The following CMYA5 variants were observed in gnomAD, a reference collection of about 807,000 sequenced individuals.
CMYA5 encodes cardiomyopathy associated 5.
CMYA5 carries 246 observed loss-of-function variants against 318.9 expected under a neutral mutation model. That is an observed-to-expected ratio of 0.77 (90% CI 0.70 to 0.86). CMYA5 has a LOEUF of 0.86. CMYA5 is among the 40% of genes least tolerant of loss of function. The pLI is 0.00. For synonymous variants in CMYA5, 1,641 were observed against 1,729.5 expected (o/e 0.95, Z 1.27); for missense variants, 4,589 against 4,678.2 (o/e 0.98, Z 0.56).
rs112677356 is a variant in CMYA5 at position 79,732,202 on chromosome 5, T to C, written c.3437T>C (p.Val1146Ala). The change falls in exon 2 of 13, where the codon GTA becomes GCA. Residue 1146 changes from valine (V) to alanine (A), a missense_variant. Transcript: ENST00000446378. Reference protein sequence around the residue: ...EKGEREASSSVAAIPAALPAQ... With the variant: ...EKGEREASSSAAAIPAALPAQ... ...GGAGAAAGGGAGGCAAGTTCATCAG[T>C]AGCTGCAATACCTGCTGCTTTACCT... 378 of 1,613,922 alleles carry C rather than the reference T, an allele frequency of 2.3e-4. 4 individuals carry two copies. The African/African-American group carries it at 4.1e-3, about 18-fold the overall frequency.
chr5:79,774,784 G>A (rs547033115), intron 9 of CMYA5, among the ~76,000 whole-genome samples: 1 of 152,336 alleles, frequency 6.6e-6, no homozygotes, highest in Non-Finnish European at 1.5e-5. Flanking sequence ...GCCTGTCATA[G>A]GTGGGTGTTT....
In CMYA5 at chr5:79,738,694, A is replaced by C. The variant is rs954981553; in HGVS notation, c.9929A>C (p.His3310Pro). The C allele has an allele frequency of 6.2e-7, 1 of 1,613,962 alleles. No individual in the cohort carries two copies. Among genetic ancestry groups the C allele is most frequent in the Non-Finnish European group, 8.5e-7 (1 of 1,179,874 alleles). Residue 3310 changes from histidine (H) to proline (P), a missense_variant, in exon 2 of 13, where the codon CAT (histidine) becomes CCT (proline). His to Pro is a moderately conservative substitution (Grantham distance 77). Around this residue, in one of 3 missense-constraint regions of CMYA5, gnomAD observed 2,431 missense variants for 2,495.1 expected, o/e 0.97. Transcript: ENST00000446378. ...TATGGGGAAGGAGAATCAGTAGACC[A>C]TGTGGAGACCGTTGGTAACGTAGCG... The part of the protein sequence containing the change: ...GVYGEGESVD[H>P]VETVGNVAMQ...
intron 6 of CMYA5, among the ~76,000 whole-genome samples, chr5:79,753,576 C>T (rs184215237): frequency 6.6e-6 from 1 of 151,452 alleles, no homozygotes; most frequent in Admixed American, 6.6e-5. Flanking sequence ...TAGTAAGACC[C>T]CCATGTCTAA....
At chr5:79,789,740 T>C (rs1829144022) in intron 10 of CMYA5, among the ~76,000 whole-genome samples, 1 of 152,176 alleles carries the variant, frequency 6.6e-6, no homozygotes, top group African/African-American at 2.4e-5. Context: ...AGATGATTTT[T>C]ATCAGACTCA....
intron 5 of CMYA5, among the ~76,000 whole-genome samples, chr5:79,751,210 C>G (rs1164623816): frequency 6.6e-6 from 1 of 152,196 alleles, no homozygotes; most frequent in Non-Finnish European, 1.5e-5. Flanking sequence ...AAATTGAACT[C>G]TCAGTGGGTA....
At chr5:79,712,324 C>T (rs1827410767) in intron 1 of CMYA5, among the ~76,000 whole-genome samples, 1 of 152,182 alleles carries the variant, frequency 6.6e-6, no homozygotes, top group East Asian at 1.9e-4. Context: ...AGCGATTCTT[C>T]TGCCTCAGCC....
chr5:79,776,282 A>G (rs1010659858), intron 9 of CMYA5, among the ~76,000 whole-genome samples: 5 of 152,216 alleles, frequency 3.3e-5, no homozygotes, highest in African/African-American at 1.2e-4. Context: ...TCATTTATCA[A>G]AAGAAAAATA....
chr5:79,746,973 G>A (rs577323306), intron 4 of CMYA5, 118 bp from the exon 5 acceptor site: 41 of 644,652 alleles, frequency 6.4e-5, no homozygotes, highest in Admixed American at 1.4e-4. Context: ...ATTTTCAAAC[G>A]TGGGTAATCT....
At chr5:79,796,757 C>T (rs761248316) in intron 12 of CMYA5, among the ~76,000 whole-genome samples, 10 of 152,132 alleles carry the variant, frequency 6.6e-5, no homozygotes, top group Non-Finnish European at 1.3e-4. Flanking sequence ...ATAAGAAGAG[C>T]ATGTTTTAAT....
At chr5:79,760,640 T>C (rs1391803535) in intron 7 of CMYA5, among the ~76,000 whole-genome samples, 2 of 152,196 alleles carry the variant, frequency 1.3e-5, no homozygotes, top group African/African-American at 2.4e-5. Context: ...AACTCATTTA[T>C]GAGAACAGCA....
At chr5:79,710,198 C>T (rs951368927) in intron 1 of CMYA5, among the ~76,000 whole-genome samples, 2 of 151,996 alleles carry the variant, frequency 1.3e-5, no homozygotes, top group Non-Finnish European at 2.9e-5. Context: ...TAATGTCATT[C>T]TTCTCACTAA....
intron 9 of CMYA5, chr5:79,777,885 G>T (rs971714480): frequency 6.6e-6 from 1 of 152,106 alleles, no homozygotes; most frequent in Non-Finnish European, 1.5e-5. Context: ...ACTTTGGGAG[G>T]CCGAGGCAGG....
At chr5:79,695,591 A>G (rs914891050) in intron 1 of CMYA5, among the ~76,000 whole-genome samples, 1 of 152,214 alleles carries the variant, frequency 6.6e-6, no homozygotes, top group African/African-American at 2.4e-5. Context: ...TGTTAGCTTC[A>G]TTGGAATCTA....
At chr5:79,728,824 T>C (rs554076072) in intron 1 of CMYA5, 91 bp from the exon 2 acceptor site, 119 of 568,482 alleles carry the variant, frequency 2.1e-4, no homozygotes, top group Admixed American at 1.8e-4. Context: ...TTCACATTAA[T>C]CCTTTACCTG....
Position 79,736,754 on chromosome 5 carries a change from C to A in CMYA5, c.7989C>A (p.Ser2663Arg). Residue 2663 changes from serine (S) to arginine (R), a missense_variant, in exon 2 of 13, where the codon AGC becomes AGA. Physicochemically the swap from Ser to Arg is moderately radical, Grantham distance 110 (BLOSUM62 -1). Around this residue, in one of 3 missense-constraint regions of CMYA5, gnomAD observed 2,431 missense variants for 2,495.1 expected, o/e 0.97. Transcript: ENST00000446378. ...QEGNLVLEKS[S>R]RDMPDHSEEK... ...GAAATCTAGTATTAGAAAAGTCAAG[C>A]AGAGATATGCCAGATCACAGTGAAG... is the stretch of plus-strand genomic sequence containing the variant. 1 of 1,612,902 alleles carries A rather than the reference C, an allele frequency of 6.2e-7. No homozygotes were observed. Among genetic ancestry groups the A allele is most frequent in the Non-Finnish European group, 8.5e-7 (1 of 1,179,692 alleles).
intron 12 of CMYA5, among the ~76,000 whole-genome samples, chr5:79,796,490 C>T (rs1186472461): frequency 1.3e-5 from 2 of 152,122 alleles, no homozygotes; most frequent in South Asian, 2.1e-4. Flanking sequence ...TCCTTGATCT[C>T]CTGGGCTCAA....
At chr5:79,751,215 T>G (rs896765152) in intron 5 of CMYA5, among the ~76,000 whole-genome samples, 5 of 152,190 alleles carry the variant, frequency 3.3e-5, no homozygotes, top group Non-Finnish European at 5.9e-5. Context: ...GAACTCTCAG[T>G]GGGTATGAAA....
At chr5:79,703,816 G>C (rs534170693) in intron 1 of CMYA5, among the ~76,000 whole-genome samples, 9 of 152,300 alleles carry the variant, frequency 5.9e-5, no homozygotes, top group African/African-American at 2.2e-4. Flanking sequence ...TCTAGGGCCG[G>C]GAACAGTGGC....
chr5:79,772,806 C>A (rs1022435137), intron 9 of CMYA5, among the ~76,000 whole-genome samples: 2 of 152,068 alleles, frequency 1.3e-5, no homozygotes, highest in South Asian at 2.1e-4. Flanking sequence ...TTCTTTTGAC[C>A]ATCTGGTTTT....
Sources: gnomAD v4.1 joint callset for allele counts (sites outside exome capture counted in the v4.1 genomes callset) on GRCh38, gnomAD v4.1.1 for gene constraint, gnomAD v4.1.1 regional missense constraint, MANE v1.5 for transcripts, NCBI Gene and HGNC (gene_info 2026-07-23, HGNC 2026-07-21) for gene names.